Variants in PARN observed in about 807,000 individuals in gnomAD.
PARN encodes the protein poly(A)-specific ribonuclease PARN.
PARN carries 71 observed loss-of-function variants against 102.8 expected under a neutral mutation model. The ratio of observed to expected loss-of-function variants is 0.69; its 90% CI spans 0.57 to 0.84. PARN has a LOEUF of 0.84. PARN is among the 40% of genes least tolerant of loss of function. The pLI is 0.00. For missense variants in PARN, 782 were observed against 760.9 expected, an observed-to-expected ratio of 1.03 and a Z score of -0.33; for synonymous variants, 261 against 252.9, an observed-to-expected ratio of 1.03 and a Z score of -0.30.
At chr16:14,444,983 ATTT>A (rs564058919) in intron 23 of PARN, among the ~76,000 whole-genome samples, 2 of 117,960 alleles carry the variant, frequency 1.7e-5, no homozygotes, top group African/African-American at 3.3e-5. Flanking sequence ...TAATATTTAA[ATTT>A]TTTTTTTTTT....
At chr16:14,551,961 C>A (rs1244839032) in intron 21 of PARN, 60 bp downstream of exon 21, 1 of 1,038,620 alleles carries the variant, frequency 9.6e-7, no homozygotes, top group Non-Finnish European at 1.5e-6. Flanking sequence ...ATTAAGGGGG[C>A]AGTGGGAGGG....
At chr16:14,561,664 C>A (rs1318962728) in intron 18 of PARN, among the ~76,000 whole-genome samples, 1 of 152,106 alleles carries the variant, frequency 6.6e-6, no homozygotes. Flanking sequence ...AGTAAATTAG[C>A]CGGGCAAGGT....
intron 21 of PARN, among the ~76,000 whole-genome samples, chr16:14,547,481 G>A (rs1967026457): frequency 6.6e-6 from 1 of 151,800 alleles, no homozygotes; most frequent in African/African-American, 2.4e-5. Flanking sequence ...CAAGGAGAGA[G>A]GACGGCTTGA....
chr16:14,503,421 C>T (rs955259355), intron 21 of PARN, among the ~76,000 whole-genome samples: 3 of 151,224 alleles, frequency 2.0e-5, no homozygotes, highest in Admixed American at 6.6e-5. Context: ...TAGAAACGCA[C>T]GTATCATGAA....
At chr16:14,533,007 G>A (rs1445695053) in intron 21 of PARN, among the ~76,000 whole-genome samples, 3 of 152,112 alleles carry the variant, frequency 2.0e-5, no homozygotes, top group Non-Finnish European at 4.4e-5. Flanking sequence ...AAGGGGTGGC[G>A]GCTGGGCAGA....
At chr16:14,502,479 A>G (rs1288813987) in intron 21 of PARN, among the ~76,000 whole-genome samples, 2 of 152,238 alleles carry the variant, frequency 1.3e-5, no homozygotes, top group African/African-American at 2.4e-5. Context: ...CTACAAGAAG[A>G]GTGTGAAAGT....
Position 14,479,698 on chromosome 16 carries a change from CAGACCT to C in PARN, c.1670+2934_1670+2939del, listed in dbSNP as rs1567307591. Reference sequence around the variant, plus strand: ...TGACTGGAAGTGAAGAGAGCAGAAACAGACCTAGACATACACGATCAGTTGATTCTT... The same window carrying C: ...TGACTGGAAGTGAAGAGAGCAGAAACAGACATACACGATCAGTTGATTCTT... On this transcript the variant is annotated intron_variant, in intron 22 of 23. Transcript: ENST00000437198. 2.6e-5 allele frequency among the ~76,000 whole-genome samples: 4 copies of C among 152,100 alleles called. No homozygotes were observed. The South Asian group carries it at 8.3e-4, about 32-fold the overall frequency.
At position 14,553,256 on chromosome 16, in the gene PARN, T is replaced by A. The variant is rs1488080357; in HGVS notation, c.1405+809A>T. On this transcript the variant is annotated intron_variant, in intron 20 of 23. Transcript: ENST00000437198. ...TACACAGGAAGACCCTATTTCTATTTAAAAAAAAAAAAAAAAAAAAAAGAA... is the reference window on the plus strand; with the variant it reads ...TACACAGGAAGACCCTATTTCTATTAAAAAAAAAAAAAAAAAAAAAAAGAA... Among the ~76,000 whole-genome samples the A allele has an allele frequency of 8.8e-3, 1,035 of 117,446 alleles. 15 individuals are homozygous for A. The highest frequency in any genetic ancestry group is 0.032 in the African/African-American group (971 of 30,068). The allele number at this position is 117,446 out of a possible 152,430, so 77.0% of individuals were successfully genotyped here.
Position 14,590,520 on chromosome 16 carries a change from A to C in PARN, c.918+2781T>G, listed in dbSNP as rs1331749731. On this transcript the variant is annotated intron_variant, in intron 13 of 23. Coordinates refer to ENST00000437198, the MANE Select transcript of PARN (RefSeq NM_002582.4). ...CATGGTAGCAGGCATCTGTAATCCCAGCTCCTCAGCAGTCTGAGGAAGGAG... is the reference window on the plus strand; with the variant it reads ...CATGGTAGCAGGCATCTGTAATCCCCGCTCCTCAGCAGTCTGAGGAAGGAG... Among the ~76,000 whole-genome samples, 3 of 151,460 alleles carry C rather than the reference A, an allele frequency of 2.0e-5. No homozygotes were observed. In the East Asian group the frequency reaches 5.9e-4, roughly 30 times the overall value.
At chr16:14,440,912 G>A (rs1960913238) in intron 23 of PARN, among the ~76,000 whole-genome samples, 1 of 152,144 alleles carries the variant, frequency 6.6e-6, no homozygotes, top group Non-Finnish European at 1.5e-5. Context: ...TGATGGAGTT[G>A]TATATCGTGA....
At position 14,594,736 on chromosome 16, in the gene PARN, C is replaced by T. The variant is rs78282105; in HGVS notation, c.841-1358G>A. Among the ~76,000 whole-genome samples the T allele has an allele frequency of 0.018, 2,747 of 152,156 alleles. 235 individuals carry two copies. In the East Asian group the frequency reaches 0.29, roughly 16 times the overall value. On this transcript the variant is annotated intron_variant, in intron 12 of 23. Transcript: ENST00000437198. ...CTTGGAAAAAAAAATCAGGTTACCA[C>T]GATGGAGCTTTTACTATAACCCAAA...
chr16:14,462,650 G>GAGA (rs146679843), intron 22 of PARN, among the ~76,000 whole-genome samples: 31,030 of 150,610 alleles, frequency 0.21, 3,555 homozygotes, highest in African/African-American at 0.31. Flanking sequence ...GAGACAGAGA[G>GAGA]AGAAGAAGAA....
chr16:14,529,668 T>C (rs1309301406), intron 21 of PARN, among the ~76,000 whole-genome samples: 4 of 152,104 alleles, frequency 2.6e-5, no homozygotes, highest in Admixed American at 6.5e-5. Flanking sequence ...CAATAAAGTA[T>C]CAGACACTGG....
chr16:14,533,411 C>T (rs990557026), intron 21 of PARN, among the ~76,000 whole-genome samples: 1 of 102,360 alleles, frequency 9.8e-6, no homozygotes, highest in Non-Finnish European at 1.8e-5. Flanking sequence ...AGAGGGAGAC[C>T]GTGGGGAGAC....
chr16:14,505,342 T>A (rs1205920425), intron 21 of PARN, among the ~76,000 whole-genome samples: 1 of 152,206 alleles, frequency 6.6e-6, no homozygotes, highest in Admixed American at 6.5e-5. Context: ...CTGGGCACAG[T>A]GGCGCACGCC....
chr16:14,570,121 A>C (rs1486975005), intron 18 of PARN, among the ~76,000 whole-genome samples: 1 of 151,892 alleles, frequency 6.6e-6, no homozygotes, highest in Non-Finnish European at 1.5e-5. Flanking sequence ...CGAGCAGATC[A>C]CGAGGTCAGG....
intron 21 of PARN, among the ~76,000 whole-genome samples, chr16:14,505,114 T>C (rs771964962): frequency 2.0e-5 from 3 of 152,246 alleles, no homozygotes; most frequent in Non-Finnish European, 4.4e-5. Flanking sequence ...ATATCACTGT[T>C]TAGTATATCA....
At chr16:14,473,457 T>A (rs957303736) in intron 22 of PARN, among the ~76,000 whole-genome samples, 57 of 152,188 alleles carry the variant, frequency 3.7e-4, no homozygotes, top group African/African-American at 1.3e-3. Flanking sequence ...AAGCTAAGGC[T>A]CTATCCCAAG....
At chr16:14,591,692 G>C (rs1187952613) in intron 13 of PARN, among the ~76,000 whole-genome samples, 1 of 152,114 alleles carries the variant, frequency 6.6e-6, no homozygotes, top group Non-Finnish European at 1.5e-5. Context: ...AGGAAATGCT[G>C]CCTGGAATTT....
Sources: allele counts gnomAD v4.1 joint callset (sites outside exome capture counted in the v4.1 genomes callset), GRCh38; gene constraint gnomAD v4.1.1; transcripts MANE v1.5; gene names NCBI Gene and HGNC (gene_info 2026-07-23, HGNC 2026-07-21).